SH3PXD2A: variants seen among roughly 807,000 people sequenced by gnomAD.
SH3PXD2A encodes SH3 and PX domains 2A.
A neutral mutation model predicts 115.2 loss-of-function variants in SH3PXD2A; 32 were observed. The ratio of observed to expected loss-of-function variants is 0.28; its 90% confidence interval spans 0.21 to 0.37. The LOEUF (loss-of-function observed/expected upper bound fraction) is 0.37. Ranked by LOEUF, SH3PXD2A falls within the 10% of genes least tolerant of loss-of-function variation. SH3PXD2A has a pLI of 1.00. For synonymous variants in SH3PXD2A, 610 were observed against 629.1 expected (o/e 0.97, Z 0.45); for missense variants, 1,328 against 1,498.7 (o/e 0.89, Z 1.88).
chr10:103,739,324 G>T (rs1466649551), intron 3 of SH3PXD2A, among the ~76,000 whole-genome samples: 1 of 152,240 alleles, frequency 6.6e-6, no homozygotes, highest in African/African-American at 2.4e-5. Flanking sequence ...GGTCAGAGGA[G>T]AATTTCTGCA....
At chr10:103,724,171 C>A (rs1461437596) in intron 5 of SH3PXD2A, 99 bp downstream of exon 5, 2 of 536,226 alleles carry the variant, frequency 3.7e-6, no homozygotes, top group Non-Finnish European at 6.3e-6. Context: ...TGCTAGCTCA[C>A]CTTCTGCTTG....
At position 103,756,558 on chromosome 10, in the gene SH3PXD2A, C is replaced by A. The variant is rs571949692; in HGVS notation, c.229+10536G>T. On this transcript the variant is annotated intron_variant, in intron 3 of 14. Transcript: ENST00000369774. The surrounding 1 kb of genome is among the most constrained non-coding windows in gnomAD (Gnocchi z 4.4). ...GGGAGGGAGGCTGCCCACCACAAAG[C>A]ACCTTTCATATGCTCCAAAGGCTTC... is the stretch of plus-strand genomic sequence containing the variant. Among the ~76,000 whole-genome samples, 6 of 152,254 alleles carry A rather than the reference C, an allele frequency of 3.9e-5. No homozygotes were observed. The East Asian group carries it at 1.2e-3, about 29-fold the overall frequency.
Position 103,599,249 on chromosome 10 carries a change from G to A in SH3PXD2A, c.*2567C>T, listed in dbSNP as rs1385699280. 7.1e-6 allele frequency: 1 copy of A among 141,522 alleles called. No homozygotes were observed. The highest frequency in any genetic ancestry group is 2.6e-5 in the African/African-American group (1 of 38,712). 8.8% of individuals were successfully genotyped at this position (141,522 alleles called of 1,614,324 possible). A position where few individuals can be genotyped will look rare whatever the true frequency, so the allele number is the denominator to read the frequency against. ...TGACTCTATTACTTACAGCACTGGGGGTCAAGGAGAGGGGGTCCTTGGGGG... is the reference window on the plus strand; with the variant it reads ...TGACTCTATTACTTACAGCACTGGGAGTCAAGGAGAGGGGGTCCTTGGGGG... On this transcript the variant is annotated 3_prime_UTR_variant, in exon 15 of 15. Coordinates refer to ENST00000369774, the MANE Select transcript of SH3PXD2A (RefSeq NM_001394015.1).
intron 2 of SH3PXD2A, among the ~76,000 whole-genome samples, chr10:103,783,335 T>C (rs1387943329): frequency 6.6e-6 from 1 of 152,162 alleles, no homozygotes. Context: ...ACCGTGAGAA[T>C]GTGGAGACCC....
chr10:103,772,503 A>G (rs1277101329), intron 2 of SH3PXD2A, among the ~76,000 whole-genome samples: 1 of 152,230 alleles, frequency 6.6e-6, no homozygotes, highest in Non-Finnish European at 1.5e-5. Context: ...GCCCATCGCC[A>G]GAGTCCTGGC....
At chr10:103,617,739 G>A (rs547038937) in intron 10 of SH3PXD2A, among the ~76,000 whole-genome samples, 1 of 152,286 alleles carries the variant, frequency 6.6e-6, no homozygotes, top group African/African-American at 2.4e-5. Flanking sequence ...GCTTTTCCTC[G>A]AAATGTGCCC....
intron 7 of SH3PXD2A, chr10:103,661,622 C>T (rs1053350487): frequency 3.1e-6 from 3 of 980,910 alleles, no homozygotes; most frequent in Non-Finnish European, 3.6e-6. Context: ...GCCTCTGCCC[C>T]CAACCCCTGC....
At chr10:103,733,713 T>C (rs1163496089) in intron 4 of SH3PXD2A, among the ~76,000 whole-genome samples, 1 of 152,258 alleles carries the variant, frequency 6.6e-6, no homozygotes, top group Non-Finnish European at 1.5e-5. Context: ...CCTATAGGCT[T>C]GGGAATGCCA....
At chr10:103,767,395 C>A (rs1471285214) in intron 2 of SH3PXD2A, among the ~76,000 whole-genome samples, 1 of 152,114 alleles carries the variant, frequency 6.6e-6, no homozygotes, top group Non-Finnish European at 1.5e-5. Context: ...TCTCAGTGAG[C>A]GGGTAGGAGT....
At chr10:103,840,477 C>T (rs905212830) in intron 1 of SH3PXD2A, among the ~76,000 whole-genome samples, 3 of 152,226 alleles carry the variant, frequency 2.0e-5, no homozygotes, top group African/African-American at 7.2e-5. Flanking sequence ...ACTGGCCACC[C>T]GTGGCTTTTG....
rs1462216304 is a variant in SH3PXD2A, at chr10:103,627,860, CT to C, written c.605-659del. ...CACCCAGGTCTTGGGACTCCACTAA[CT>C]GCCTTTGGTCCCTTCCGAGAAGGTC... On this transcript the variant is annotated intron_variant, in intron 8 of 14. Coordinates refer to ENST00000369774, the MANE Select transcript of SH3PXD2A (RefSeq NM_001394015.1). The surrounding 1 kb of genome is among the most constrained non-coding windows in gnomAD (Gnocchi z 4.4). Among the ~76,000 whole-genome samples, 1 of 152,246 alleles carries C rather than the reference CT, an allele frequency of 6.6e-6. No individual in the cohort carries two copies. The highest frequency in any genetic ancestry group is 1.5e-5 in the Non-Finnish European group (1 of 68,038).
In SH3PXD2A at chr10:103,602,461, G is replaced by T; in HGVS notation, c.2757C>A (p.Asn919Lys). 5.0e-6 allele frequency: 8 copies of T among 1,614,126 alleles called. No individual in the cohort carries two copies. The highest frequency in any genetic ancestry group is 6.8e-6 in the Non-Finnish European group (8 of 1,180,006). ...TCTCCAGGCTGTCTGATTTGCCTTC[G>T]TTCTGCCTGCCCTTGGCGGGCACTG... ...LDTVPAKGRQ[N>K]EGKSDSLEKI... The change falls in exon 15 of 15, where the codon AAC becomes AAA. Residue 919 changes from asparagine (N) to lysine (K), a missense_variant. Physicochemically the swap from Asn to Lys is moderately conservative, Grantham distance 94. Around this residue, in one of 5 missense-constraint regions of SH3PXD2A, gnomAD observed 574 missense variants for 565.7 expected, o/e 1.01. Transcript: ENST00000369774.
chr10:103,662,194 C>A (rs1325617121), intron 7 of SH3PXD2A, among the ~76,000 whole-genome samples: 2 of 152,064 alleles, frequency 1.3e-5, no homozygotes, highest in Non-Finnish European at 2.9e-5. Flanking sequence ...TCTCTGTCCT[C>A]CTCAGCCACT....
At chr10:103,749,213 C>T (rs117292539) in intron 3 of SH3PXD2A, among the ~76,000 whole-genome samples, 3,331 of 152,236 alleles carry the variant, frequency 0.022, 54 homozygotes, top group Non-Finnish European at 0.032. Flanking sequence ...GCAGCCTGGG[C>T]CTGGTCACTG....
chr10:103,722,600 C>CTT (rs35815642), intron 5 of SH3PXD2A, among the ~76,000 whole-genome samples: 7 of 137,024 alleles, frequency 5.1e-5, no homozygotes, highest in Middle Eastern at 3.8e-3. Flanking sequence ...ATATGCCTAG[C>CTT]TTTTTTTTTT....
At chr10:103,749,398 C>T (rs2038547590) in intron 3 of SH3PXD2A, among the ~76,000 whole-genome samples, 1 of 152,212 alleles carries the variant, frequency 6.6e-6, no homozygotes. Context: ...CCAGGCTGAA[C>T]TCAAAGGGCA....
chr10:103,665,999 AC>A lies in SH3PXD2A; in HGVS notation c.472+2608del, dbSNP rs1355225123. On this transcript the variant is annotated intron_variant, in intron 7 of 14. Coordinates refer to ENST00000369774, the MANE Select transcript of SH3PXD2A (RefSeq NM_001394015.1). The surrounding 1 kb of genome is among the most constrained non-coding windows in gnomAD (Gnocchi z 4.0). ...CAGGGGTCCCCTGGACCCCTGCCCC[AC>A]CCTTGCCTCACATCTGCATTCCTTC... Among the ~76,000 whole-genome samples, 1 of 151,834 alleles carries A rather than the reference AC, an allele frequency of 6.6e-6. No individual in the cohort carries two copies. The highest frequency in any genetic ancestry group is 2.4e-5 in the African/African-American group (1 of 41,336).
chr10:103,708,015 C>A lies in SH3PXD2A; in HGVS notation c.399-14959G>T, dbSNP rs564794725. ...GCAGCCTTCCCTGCACACCCACAGC[C>A]CCCACAGTCTCTCTCCCTTTCCAGT... On this transcript the variant is annotated intron_variant, in intron 5 of 14. Coordinates refer to ENST00000369774, the MANE Select transcript of SH3PXD2A (RefSeq NM_001394015.1). Among the ~76,000 whole-genome samples the A allele has an allele frequency of 2.5e-4, 38 of 152,266 alleles. 1 individual carries two copies. In the South Asian group the frequency reaches 7.5e-3, roughly 30 times the overall value.
chr10:103,818,746 T>C (rs1487489246), intron 1 of SH3PXD2A, among the ~76,000 whole-genome samples: 1 of 152,150 alleles, frequency 6.6e-6, no homozygotes, highest in Non-Finnish European at 1.5e-5. Flanking sequence ...ATTTCTCCCC[T>C]AGTTCCCAGT....
Sources: allele counts gnomAD v4.1 joint callset (sites outside exome capture counted in the v4.1 genomes callset), GRCh38; gene constraint gnomAD v4.1.1; regional missense constraint gnomAD v4.1.1; non-coding constraint Gnocchi (gnomAD v3.1); transcripts MANE v1.5; gene names NCBI Gene and HGNC (gene_info 2026-07-23, HGNC 2026-07-21).